Variants in SYT14 observed in about 807,000 individuals in gnomAD.
The protein encoded by SYT14 is synaptotagmin 14, also known as synaptotagmin-14.
Under a neutral mutation model 74.2 loss-of-function variants are expected in SYT14, and 32 were observed. The observed-to-expected ratio is 0.43, with a 90% CI of 0.33 to 0.58. SYT14 has a LOEUF of 0.58. Ranked by LOEUF, SYT14 falls within the 20% of genes least tolerant of loss-of-function variation. The pLI, the probability that SYT14 is intolerant of heterozygous loss-of-function variation, is 0.05. For synonymous variants in SYT14, 298 were observed against 337.7 expected (o/e 0.88, Z 1.29); for missense variants, 791 against 981.8 (o/e 0.81, Z 2.60).
intron 5 of SYT14, among the ~76,000 whole-genome samples, chr1:210,087,822 T>A (rs2081768391): frequency 6.6e-6 from 1 of 152,176 alleles, no homozygotes. Flanking sequence ...GGCTCTAATG[T>A]GGCTCTGCAC....
intron 5 of SYT14, among the ~76,000 whole-genome samples, chr1:210,075,848 T>C (rs2081491054): frequency 6.6e-6 from 1 of 152,192 alleles, no homozygotes; most frequent in African/African-American, 2.4e-5. Flanking sequence ...GTATAGATTT[T>C]CTGTTACCAA....
chr1:210,055,633 A>G (rs929130365), intron 5 of SYT14, among the ~76,000 whole-genome samples: 14 of 152,100 alleles, frequency 9.2e-5, no homozygotes, highest in African/African-American at 2.7e-4. Context: ...CCTGGTCAAC[A>G]TAATGAAACC....
chr1:209,943,271 A>G (rs2078766152), intron 1 of SYT14, among the ~76,000 whole-genome samples: 1 of 152,142 alleles, frequency 6.6e-6, no homozygotes, highest in Non-Finnish European at 1.5e-5. Context: ...TGGTAGGCCG[A>G]GGCGGGCAGA....
chr1:210,152,406 C>T (rs2083182224), intron 7 of SYT14, among the ~76,000 whole-genome samples: 1 of 152,124 alleles, frequency 6.6e-6, no homozygotes, highest in African/African-American at 2.4e-5. Context: ...ATAGGGAATA[C>T]TGTTAGTGTC....
chr1:210,110,352 G>A (rs1161672846), intron 7 of SYT14, among the ~76,000 whole-genome samples: 1 of 152,200 alleles, frequency 6.6e-6, no homozygotes, highest in Non-Finnish European at 1.5e-5. Flanking sequence ...AAGATGAAAT[G>A]TCCAGGAGGA....
At chr1:210,044,522 G>A (rs1046727670) in intron 5 of SYT14, among the ~76,000 whole-genome samples, 2 of 152,112 alleles carry the variant, frequency 1.3e-5, no homozygotes, top group Non-Finnish European at 2.9e-5. Flanking sequence ...TTTCAGCATC[G>A]AAACTTATTA....
intron 5 of SYT14, among the ~76,000 whole-genome samples, chr1:210,063,826 C>G (rs577886689): frequency 4.9e-4 from 75 of 151,878 alleles, no homozygotes; most frequent in African/African-American, 1.8e-3. Flanking sequence ...CTTAAACACT[C>G]CTAGGTTTCC....
chr1:210,087,236 A>G (rs1266917813), intron 5 of SYT14, among the ~76,000 whole-genome samples: 1 of 152,078 alleles, frequency 6.6e-6, no homozygotes, highest in Admixed American at 6.5e-5. Flanking sequence ...CTCACACTGG[A>G]TACCCCGCCC....
intron 7 of SYT14, among the ~76,000 whole-genome samples, chr1:210,106,541 C>G (rs1400351400): frequency 6.6e-6 from 1 of 152,120 alleles, no homozygotes; most frequent in Non-Finnish European, 1.5e-5. Context: ...GGGAAGCAAA[C>G]ATGTCCTTCT....
chr1:210,002,481 C>G (rs1453067916), intron 2 of SYT14, among the ~76,000 whole-genome samples: 1 of 151,922 alleles, frequency 6.6e-6, no homozygotes, highest in Non-Finnish European at 1.5e-5. Context: ...AACTATTATT[C>G]ATTCATTTTT....
At chr1:209,951,933 C>A (rs2078918026) in intron 1 of SYT14, among the ~76,000 whole-genome samples, 1 of 151,960 alleles carries the variant, frequency 6.6e-6, no homozygotes, top group Admixed American at 6.6e-5. Flanking sequence ...CAGACAAAAC[C>A]AAGCTGTAAT....
chr1:209,976,723 C>G (rs1236443958), intron 2 of SYT14, among the ~76,000 whole-genome samples: 4 of 152,184 alleles, frequency 2.6e-5, no homozygotes, highest in African/African-American at 9.7e-5. Flanking sequence ...ATTAGGTCCA[C>G]TTGGTGCAGA....
intron 6 of SYT14, among the ~76,000 whole-genome samples, chr1:210,097,661 A>G (rs991918968): frequency 6.6e-6 from 1 of 152,226 alleles, no homozygotes; most frequent in Non-Finnish European, 1.5e-5. Flanking sequence ...TACCAAAGCC[A>G]TATAATTAAT....
intron 5 of SYT14, among the ~76,000 whole-genome samples, chr1:210,065,207 T>A (rs889239995): frequency 6.6e-6 from 1 of 152,056 alleles, no homozygotes; most frequent in Non-Finnish European, 1.5e-5. Context: ...TTGCTATGGT[T>A]TCGCTTTGTC....
At chr1:210,006,342 C>G (rs1292094075) in intron 2 of SYT14, among the ~76,000 whole-genome samples, 2 of 151,816 alleles carry the variant, frequency 1.3e-5, no homozygotes, top group Non-Finnish European at 2.9e-5. Flanking sequence ...TAAAAGGAAA[C>G]TGAAACATAC....
intron 5 of SYT14, among the ~76,000 whole-genome samples, chr1:210,038,157 C>T (rs2080709996): frequency 6.6e-6 from 1 of 151,978 alleles, no homozygotes; most frequent in South Asian, 2.1e-4. Flanking sequence ...ACCGCTTTAT[C>T]ATTGTATAAT....
exon 1 of SYT14, chr1:209,938,265 A>G: frequency 2.6e-6 from 4 of 1,561,336 alleles, no homozygotes; most frequent in Non-Finnish European, 3.5e-6. Flanking sequence ...CGAGCGCATC[A>G]TGGCGATTGA....
intron 2 of SYT14, among the ~76,000 whole-genome samples, chr1:209,973,973 A>G (rs1427525305): frequency 2.0e-5 from 3 of 151,520 alleles, no homozygotes; most frequent in African/African-American, 4.8e-5. Context: ...GATGATGAGC[A>G]TTTTTTCATG....
intron 2 of SYT14, among the ~76,000 whole-genome samples, chr1:209,961,549 T>C (rs2079075627): frequency 6.6e-6 from 1 of 152,104 alleles, no homozygotes; most frequent in Non-Finnish European, 1.5e-5. Context: ...TGTAAAATGG[T>C]GACATTATTA....
Sources: allele counts gnomAD v4.1 joint callset (sites outside exome capture counted in the v4.1 genomes callset), GRCh38; gene constraint gnomAD v4.1.1; transcripts MANE v1.5; gene names NCBI Gene and HGNC (gene_info 2026-07-23, HGNC 2026-07-21).